The following NRF1 variants were observed in gnomAD, a reference collection of about 807,000 sequenced individuals.
NRF1 encodes alpha palindromic-binding protein.
NRF1 carries 5 observed loss-of-function variants against 58.5 expected under a neutral mutation model. The observed-to-expected ratio is 0.09, with a 90% CI of 0.04 to 0.18. The LOEUF (loss-of-function observed/expected upper bound fraction) is 0.18, where lower values mean the gene tolerates loss of function less well. Among genes scored for constraint, NRF1 ranks in the 10% least tolerant of loss-of-function variants. NRF1 has a pLI of 1.00. For synonymous variants in NRF1, 224 were observed against 246.7 expected (o/e 0.91, Z 0.86); for missense variants, 288 against 657.7 (o/e 0.44, Z 6.15).
Position 129,663,076 on chromosome 7 carries a change from A to G in NRF1, c.223+5502A>G, listed in dbSNP as rs551574558. Among the ~76,000 whole-genome samples the G allele has an allele frequency of 2.0e-5, 3 of 152,372 alleles. No homozygotes were observed. In the East Asian group the frequency reaches 5.8e-4, roughly 29 times the overall value. On this transcript the variant is annotated intron_variant, in intron 2 of 10. Coordinates refer to ENST00000393232, the MANE Select transcript of NRF1 (RefSeq NM_005011.5). The stretch of plus-strand genomic sequence containing the variant: ...TTCAGAGAGCATGGGGTTGGGGGTA[A>G]GTTAAAGATTAACAGCATCCCAAGG...
intron 1 of NRF1, among the ~76,000 whole-genome samples, chr7:129,648,425 G>A (rs1801460678): frequency 1.3e-5 from 2 of 151,744 alleles, no homozygotes; most frequent in African/African-American, 2.4e-5. Context: ...GACTACAGGT[G>A]CCCGCCACCA....
At chr7:129,712,766 T>C (rs1466251246) in intron 8 of NRF1, among the ~76,000 whole-genome samples, 1 of 152,198 alleles carries the variant, frequency 6.6e-6, no homozygotes, top group Non-Finnish European at 1.5e-5. Flanking sequence ...AACTTGGTTA[T>C]TGGGTGAGGA....
intron 10 of NRF1, among the ~76,000 whole-genome samples, chr7:129,728,384 G>A (rs1257837578): frequency 3.5e-5 from 5 of 144,870 alleles, no homozygotes; most frequent in African/African-American, 1.0e-4. Context: ...CAAGAAAATC[G>A]CTTGAACCCG....
At chr7:129,647,726 G>A (rs1454376728) in intron 1 of NRF1, among the ~76,000 whole-genome samples, 1 of 152,150 alleles carries the variant, frequency 6.6e-6, no homozygotes, top group East Asian at 1.9e-4. Flanking sequence ...TTATATAAAA[G>A]CATCATTGTT....
intron 9 of NRF1, among the ~76,000 whole-genome samples, chr7:129,723,826 G>C (rs1803389931): frequency 6.6e-6 from 1 of 152,194 alleles, no homozygotes; most frequent in Admixed American, 6.5e-5. Flanking sequence ...TTTGTGTTAA[G>C]TTTTGAAATC....
chr7:129,700,082 A>G (rs778272669), intron 5 of NRF1, among the ~76,000 whole-genome samples: 13 of 151,688 alleles, frequency 8.6e-5, no homozygotes, highest in Non-Finnish European at 1.8e-4. Context: ...TGGAGGTTGC[A>G]GTGAGCTGAG....
In NRF1 at chr7:129,614,924, A is replaced by G. The variant is rs1800629660; in HGVS notation, c.-7+3100A>G. 5.3e-5 allele frequency among the ~76,000 whole-genome samples: 8 copies of G among 152,230 alleles called. 1 individual carries two copies. Among genetic ancestry groups the G allele is most frequent in the Admixed American group, 5.2e-4 (8 of 15,282 alleles). ...AACCAAATCTCTGGGTTGTCTTTAG[A>G]AGCATTTTATGTAAATAATCACGAA... On this transcript the variant is annotated intron_variant, in intron 1 of 10. Transcript: ENST00000393232.
chr7:129,614,838 C>T (rs2151052148), intron 1 of NRF1, among the ~76,000 whole-genome samples: 1 of 152,170 alleles, frequency 6.6e-6, no homozygotes, highest in African/African-American at 2.4e-5. Context: ...GTTAGGGAAC[C>T]GAAGGCCAAC....
intron 5 of NRF1, among the ~76,000 whole-genome samples, chr7:129,699,730 CA>C (rs1258369698): frequency 1.4e-5 from 2 of 141,498 alleles, no homozygotes; most frequent in South Asian, 2.3e-4. Flanking sequence ...GACTCCATCT[CA>C]AAAAAAAAGA....
chr7:129,708,816 G>T (rs1436663251), intron 5 of NRF1, among the ~76,000 whole-genome samples: 4 of 152,034 alleles, frequency 2.6e-5, no homozygotes, highest in Non-Finnish European at 2.9e-5. Context: ...TTAAACTTAG[G>T]GGTAGATATT....
At chr7:129,614,184 C>G (rs532159818) in intron 1 of NRF1, among the ~76,000 whole-genome samples, 1 of 152,124 alleles carries the variant, frequency 6.6e-6, no homozygotes, top group Non-Finnish European at 1.5e-5. Flanking sequence ...GGTGCGATCT[C>G]GGCTCACTGC....
intron 5 of NRF1, among the ~76,000 whole-genome samples, chr7:129,706,971 C>T (rs1275377250): frequency 1.3e-5 from 2 of 151,830 alleles, no homozygotes; most frequent in African/African-American, 4.8e-5. Context: ...GCTCTGTCAC[C>T]CGCTTTAGGA....
At chr7:129,703,443 T>G (rs577889436) in intron 5 of NRF1, among the ~76,000 whole-genome samples, 4 of 152,334 alleles carry the variant, frequency 2.6e-5, no homozygotes, top group Non-Finnish European at 4.4e-5. Flanking sequence ...CAACTGGTAA[T>G]GAGAGCACAG....
intron 1 of NRF1, among the ~76,000 whole-genome samples, chr7:129,621,606 C>T (rs1006479337): frequency 2.6e-5 from 4 of 152,180 alleles, no homozygotes; most frequent in Admixed American, 6.5e-5. Context: ...AAGAACACAT[C>T]ATGGAATACC....
At chr7:129,691,346 T>A (rs529778593) in intron 5 of NRF1, among the ~76,000 whole-genome samples, 5 of 135,628 alleles carry the variant, frequency 3.7e-5, no homozygotes, top group Non-Finnish European at 6.1e-5. Context: ...CCCTATTTAT[T>A]TATTTATTAT....
intron 1 of NRF1, among the ~76,000 whole-genome samples, chr7:129,641,552 C>A (rs1801288653): frequency 1.3e-5 from 2 of 152,168 alleles, no homozygotes; most frequent in South Asian, 4.1e-4. Flanking sequence ...GTTTTTATTG[C>A]ATTCGCTTTC....
intron 1 of NRF1, among the ~76,000 whole-genome samples, chr7:129,623,670 T>C (rs1218137078): frequency 6.6e-6 from 1 of 152,226 alleles, no homozygotes; most frequent in African/African-American, 2.4e-5. Context: ...TTTTATTTTT[T>C]ATACAAAATG....
At chr7:129,613,481 T>G (rs1365392940) in intron 1 of NRF1, among the ~76,000 whole-genome samples, 2 of 152,202 alleles carry the variant, frequency 1.3e-5, no homozygotes, top group African/African-American at 4.8e-5. Context: ...GAATATTTAT[T>G]CTTAACTTGG....
chr7:129,693,423 A>G (rs969489037), intron 5 of NRF1, among the ~76,000 whole-genome samples: 3 of 152,242 alleles, frequency 2.0e-5, no homozygotes, highest in Non-Finnish European at 2.9e-5. Flanking sequence ...AAAGGAAAGC[A>G]TATCTAAACC....
Sources: allele counts gnomAD v4.1 joint callset (sites outside exome capture counted in the v4.1 genomes callset), GRCh38; gene constraint gnomAD v4.1.1; transcripts MANE v1.5; gene names NCBI Gene and HGNC (gene_info 2026-07-23, HGNC 2026-07-21).